Variants in CSMD1 observed in about 807,000 individuals in gnomAD.
CSMD1 encodes CUB and sushi domain-containing protein 1.
A neutral mutation model predicts 417.5 loss-of-function variants in CSMD1; 213 were observed. That is an observed-to-expected ratio of 0.51 (90% CI 0.46 to 0.57). The LOEUF is 0.57. CSMD1 is among the 20% of genes least tolerant of loss of function. CSMD1 has a pLI of 0.00. For synonymous variants in CSMD1, 2,862 were observed against 1,736.8 expected (o/e 1.65, Z -16.11); for missense variants, 6,923 against 4,529.7 (o/e 1.53, Z -15.17).
intron 21 of CSMD1, 134 bp from the exon 22 acceptor site, chr8:3,348,295 T>A (rs1808149891): frequency 1.6e-6 from 1 of 641,862 alleles, no homozygotes; most frequent in Non-Finnish European, 2.5e-6. Context: ...TATTTCAAAA[T>A]AGATCAGTGA....
chr8:3,522,144 C>A (rs1797535294), intron 10 of CSMD1, among the ~76,000 whole-genome samples: 1 of 152,170 alleles, frequency 6.6e-6, no homozygotes, highest in Admixed American at 6.5e-5. Context: ...ACCACTCTGA[C>A]TGCAAAGTCA....
rs185955668 is a variant in CSMD1, at chr8:3,073,032, A to C, written c.7474+14065T>G. Reference sequence around the variant, plus strand: ...TAATTTTTTCCACTCTTTTTTGTAAAAATGAAATGCAACCCTCCCAAATTC... The same window carrying C: ...TAATTTTTTCCACTCTTTTTTGTAACAATGAAATGCAACCCTCCCAAATTC... On this transcript the variant is annotated intron_variant, in intron 49 of 69. Coordinates refer to ENST00000635120, the MANE Select transcript of CSMD1 (RefSeq NM_033225.6). Among the ~76,000 whole-genome samples, 785 of 152,318 alleles carry C rather than the reference A, an allele frequency of 5.2e-3. 1 individual carries two copies. Among genetic ancestry groups the C allele is most frequent in the Middle Eastern group, 0.014 (4 of 294 alleles).
chr8:4,946,990 C>A lies in CSMD1; in HGVS notation c.85+47342G>T, dbSNP rs187027186. Among the ~76,000 whole-genome samples, 5 of 152,258 alleles carry A rather than the reference C, an allele frequency of 3.3e-5. No homozygotes were observed. In the East Asian group the frequency reaches 9.7e-4, roughly 29 times the overall value. Reference sequence around the variant, plus strand: ...ATTTTGAGGAGTCAGTAATCAATGTCTGTAATCCAAATGCTAAACAATCAG... The same window carrying A: ...ATTTTGAGGAGTCAGTAATCAATGTATGTAATCCAAATGCTAAACAATCAG... On this transcript the variant is annotated intron_variant, in intron 1 of 69. Transcript: ENST00000635120.
chr8:4,389,519 A>C (rs1803702888), intron 3 of CSMD1, among the ~76,000 whole-genome samples: 1 of 152,178 alleles, frequency 6.6e-6, no homozygotes, highest in African/African-American at 2.4e-5. Flanking sequence ...ATAATATATC[A>C]GTCATATACT....
chr8:4,917,075 A>G (rs1349050038), intron 1 of CSMD1, among the ~76,000 whole-genome samples: 2 of 152,166 alleles, frequency 1.3e-5, no homozygotes, highest in South Asian at 2.1e-4. Context: ...TCGGTAGACT[A>G]TCTATAGGAA....
chr8:3,865,598 G>C (rs568988220), intron 5 of CSMD1, among the ~76,000 whole-genome samples: 1 of 152,164 alleles, frequency 6.6e-6, no homozygotes, highest in Non-Finnish European at 1.5e-5. Flanking sequence ...CCTCTCATCA[G>C]CAAAGCGCCA....
intron 37 of CSMD1, among the ~76,000 whole-genome samples, chr8:3,162,674 A>C (rs1819971115): frequency 6.6e-6 from 1 of 151,996 alleles, no homozygotes; most frequent in South Asian, 2.1e-4. Flanking sequence ...AGCAGTCTTT[A>C]TATAAAAAAA....
At position 4,560,618 on chromosome 8, in the gene CSMD1, G is replaced by A. The variant is rs149475092; in HGVS notation, c.302+76724C>T. ...AGCCTCCCTGAAAGCCTTCTCCCACGGTTTAGTCCTCATGTGACAGTCCTC... is the reference window on the plus strand; with the variant it reads ...AGCCTCCCTGAAAGCCTTCTCCCACAGTTTAGTCCTCATGTGACAGTCCTC... On this transcript the variant is annotated intron_variant, in intron 2 of 69. Coordinates refer to ENST00000635120, the MANE Select transcript of CSMD1 (RefSeq NM_033225.6). 3.7e-4 allele frequency among the ~76,000 whole-genome samples: 57 copies of A among 152,254 alleles called. 1 individual carries two copies. The highest frequency in any genetic ancestry group is 2.6e-3 in the Admixed American group (39 of 15,290).
intron 15 of CSMD1, among the ~76,000 whole-genome samples, chr8:3,404,372 G>C (rs987344197): frequency 6.6e-6 from 1 of 150,996 alleles, no homozygotes; most frequent in Non-Finnish European, 1.5e-5. Context: ...TTTCTACTTT[G>C]AGTAATGGTG....
chr8:4,437,073 A>T (rs578069331), intron 2 of CSMD1, among the ~76,000 whole-genome samples: 1 of 152,174 alleles, frequency 6.6e-6, no homozygotes, highest in Non-Finnish European at 1.5e-5. Context: ...GGGACAGGCT[A>T]TGGAAGAACA....
chr8:3,152,007 C>G (rs1457741369), intron 39 of CSMD1, among the ~76,000 whole-genome samples: 1 of 152,184 alleles, frequency 6.6e-6, no homozygotes, highest in East Asian at 1.9e-4. Flanking sequence ...AAGAAATTTG[C>G]CTAAAGTGAC....
chr8:4,208,891 C>G (rs532977420), intron 3 of CSMD1, among the ~76,000 whole-genome samples: 1 of 152,206 alleles, frequency 6.6e-6, no homozygotes, highest in East Asian at 1.9e-4. Flanking sequence ...GTGAGATTTT[C>G]TTAAATTTCT....
chr8:3,291,426 G>C (rs187572237), intron 25 of CSMD1, among the ~76,000 whole-genome samples: 96 of 152,168 alleles, frequency 6.3e-4, no homozygotes, highest in Admixed American at 2.4e-3. Flanking sequence ...TGTACCTCTG[G>C]CAGAATTGGA....
chr8:3,951,869 T>G (rs1039929456), intron 5 of CSMD1, among the ~76,000 whole-genome samples: 1 of 151,968 alleles, frequency 6.6e-6, no homozygotes, highest in South Asian at 2.1e-4. Flanking sequence ...ACTTGCACAT[T>G]AAACTACATA....
chr8:4,433,083 G>A (rs571876476), intron 2 of CSMD1, among the ~76,000 whole-genome samples: 5 of 152,284 alleles, frequency 3.3e-5, no homozygotes, highest in African/African-American at 9.6e-5. Flanking sequence ...TCCAATGCCT[G>A]ATGATCTGTC....
In CSMD1 at chr8:4,196,831, G is replaced by C. The variant is rs369297559; in HGVS notation, c.416-164732C>G. 2.6e-5 allele frequency among the ~76,000 whole-genome samples: 4 copies of C among 152,048 alleles called. No homozygotes were observed. The South Asian group carries it at 8.3e-4, about 32-fold the overall frequency. On this transcript the variant is annotated intron_variant, in intron 3 of 69. Transcript: ENST00000635120. ...GGGATTAAGGAATGAACACACTGGGGGTGATATTTAGCCTGCACATGCCTT... is the reference window on the plus strand; with the variant it reads ...GGGATTAAGGAATGAACACACTGGGCGTGATATTTAGCCTGCACATGCCTT...
chr8:4,800,438 C>CAA (rs11463488), intron 1 of CSMD1, among the ~76,000 whole-genome samples: 9,861 of 114,820 alleles, frequency 0.086, 402 homozygotes, highest in East Asian at 0.25. Context: ...GACTTCATCT[C>CAA]AAAAAAAAAA....
At chr8:4,047,493 T>A (rs762163978) in intron 3 of CSMD1, among the ~76,000 whole-genome samples, 6 of 151,856 alleles carry the variant, frequency 4.0e-5, no homozygotes, top group Non-Finnish European at 7.4e-5. Context: ...GTAGCGTAAA[T>A]GCAGGGAAGG....
intron 28 of CSMD1, 45 bp downstream of exon 28, chr8:3,223,684 A>T: frequency 6.3e-7 from 1 of 1,596,356 alleles, no homozygotes. Flanking sequence ...TTAGGTATGG[A>T]ATTAAAAATC....
Sources: gnomAD v4.1 joint callset for allele counts (sites outside exome capture counted in the v4.1 genomes callset) on GRCh38, gnomAD v4.1.1 for gene constraint, MANE v1.5 for transcripts, NCBI Gene and HGNC (gene_info 2026-07-23, HGNC 2026-07-21) for gene names.